WHAMM: variants seen among roughly 807,000 people sequenced by gnomAD.
The protein encoded by WHAMM is WASP homolog associated with actin, golgi membranes and microtubules, also known as WASP homolog-associated protein with actin, membranes and microtubules.
Under a neutral mutation model 76.5 loss-of-function variants are expected in WHAMM, and 67 were observed. The ratio of observed to expected loss-of-function variants is 0.88; its 90% CI spans 0.72 to 1.07. The LOEUF is 1.07. WHAMM is among the 50% of genes least tolerant of loss of function. The pLI is 0.00. For synonymous variants in WHAMM, 419 were observed against 422.1 expected (o/e 0.99, Z 0.09); for missense variants, 1,021 against 1,051.1 (o/e 0.97, Z 0.40).
chr15:82,823,555 G>A (rs969438345), intron 6 of WHAMM, among the ~76,000 whole-genome samples: 10 of 151,524 alleles, frequency 6.6e-5, no homozygotes, highest in African/African-American at 1.9e-4. Context: ...GCATACACAG[G>A]CACACAGGCA....
chr15:82,831,633 GC>G (rs968885857), intron 9 of WHAMM, among the ~76,000 whole-genome samples: 3 of 152,126 alleles, frequency 2.0e-5, no homozygotes, highest in Admixed American at 6.5e-5. Flanking sequence ...GAAAAAGTGG[GC>G]CACTTGTCTT....
At chr15:82,827,176 G>T (rs921342503) in intron 8 of WHAMM, among the ~76,000 whole-genome samples, 2 of 152,118 alleles carry the variant, frequency 1.3e-5, no homozygotes, top group Non-Finnish European at 2.9e-5. Context: ...ACTTTAGCTG[G>T]CATTTCCCCT....
chr15:82,813,778 T>C (rs769044957), intron 2 of WHAMM, among the ~76,000 whole-genome samples: 4 of 147,412 alleles, frequency 2.7e-5, no homozygotes, highest in African/African-American at 5.0e-5. Flanking sequence ...TGTCTCAGCA[T>C]CCTGAGTAGC....
At chr15:82,813,052 T>G in intron 1 of WHAMM, 51 bp from the exon 2 acceptor site, 3 of 1,326,178 alleles carry the variant, frequency 2.3e-6, no homozygotes, top group Non-Finnish European at 3.0e-6. Flanking sequence ...TTGTTGGGTA[T>G]GTATTAAATA....
rs1832326081 is a variant in WHAMM, at chr15:82,834,530, C to T, written c.*994C>T. 1 of 152,644 alleles carries T rather than the reference C, an allele frequency of 6.6e-6. No individual in the cohort carries two copies. 9.5% of individuals were successfully genotyped at this position (152,644 alleles called of 1,614,324 possible). On this transcript the variant is annotated 3_prime_UTR_variant, in exon 10 of 10. Transcript: ENST00000286760. ...GATTCTGAAAGAAGTTTACACTACA[C>T]TGGTAAGCAGTACTATTAGACTACT...
rs539667910 is a variant in WHAMM, at chr15:82,833,809, G to A, written c.*273G>A. The A allele has an allele frequency of 1.0e-5, 4 of 396,288 alleles. No homozygotes were observed. The East Asian group carries it at 1.9e-4, about 19-fold the overall frequency. The allele number at this position is 396,288 out of a possible 1,614,324, so 24.5% of individuals were successfully genotyped here. A position where few individuals can be genotyped will look rare whatever the true frequency, so the allele number is the denominator to read the frequency against. On this transcript the variant is annotated 3_prime_UTR_variant, in exon 10 of 10. Transcript: ENST00000286760. ...GGCTGGGGTGCAGTGGTGCGATCTT[G>A]GCTCACTGCAAGCTCCGCCTCCTGG...
intron 9 of WHAMM, 24 bp from the exon 10 acceptor site, chr15:82,833,205 C>G (rs762108715): frequency 3.1e-6 from 5 of 1,606,008 alleles, no homozygotes; most frequent in East Asian, 2.2e-5. Context: ...ATTGATAGTA[C>G]TAGCTCTGCT....
Position 82,830,178 on chromosome 15 carries a change from A to G in WHAMM, c.1642-421A>G, listed in dbSNP as rs568820776. 5.5e-5 allele frequency among the ~76,000 whole-genome samples: 8 copies of G among 144,842 alleles called. 1 individual carries two copies. The highest frequency in any genetic ancestry group is 4.1e-4 in the Admixed American group (6 of 14,642). ...TTTCTGATGTTTCAGGCGTTGTACT[A>G]TTTATCACTTTTTATGGCTTTTTTT... is the stretch of plus-strand genomic sequence containing the variant. On this transcript the variant is annotated intron_variant, in intron 8 of 9. Transcript: ENST00000286760.
At chr15:82,817,051 A>G (rs999483288) in intron 3 of WHAMM, among the ~76,000 whole-genome samples, 2 of 152,230 alleles carry the variant, frequency 1.3e-5, no homozygotes, top group African/African-American at 4.8e-5. Context: ...TGGCAGTGAC[A>G]GTAAATGGCA....
chr15:82,829,396 G>A (rs1302078172), intron 8 of WHAMM, among the ~76,000 whole-genome samples: 2 of 152,206 alleles, frequency 1.3e-5, no homozygotes, highest in African/African-American at 2.4e-5. Context: ...GGTGGTTCAG[G>A]GAACCCCAGC....
chr15:82,826,798 C>G lies in WHAMM; in HGVS notation c.1593C>G (p.Ile531Met). The G allele has an allele frequency of 6.5e-7, 1 of 1,549,294 alleles. No homozygotes were observed. Among genetic ancestry groups the G allele is most frequent in the Non-Finnish European group, 8.7e-7 (1 of 1,146,932 alleles). Reference sequence around the variant, plus strand: ...AGGAGCAAAAGAAAAAAGAATGGATCAACCAAGAACGTCAAAAAACACTCC... The same window carrying G: ...AGGAGCAAAAGAAAAAAGAATGGATGAACCAAGAACGTCAAAAAACACTCC... ...KEEEQKKKEWINQERQKTLQR... is the reference protein window; with the variant it reads ...KEEEQKKKEWMNQERQKTLQR... Residue 531 changes from isoleucine (I) to methionine (M), a missense_variant, in exon 8 of 10, where the codon ATC (isoleucine) becomes ATG (methionine). Around this residue, in one of 3 missense-constraint regions of WHAMM, gnomAD observed 509 missense variants for 492.3 expected, o/e 1.03. Transcript: ENST00000286760.
intron 4 of WHAMM, among the ~76,000 whole-genome samples, chr15:82,819,033 C>T (rs1273535486): frequency 6.6e-6 from 1 of 152,216 alleles, no homozygotes; most frequent in Admixed American, 6.5e-5. Context: ...AATAACATCA[C>T]ACTGGGAGTT....
At chr15:82,815,986 C>T (rs1383080967) in intron 2 of WHAMM, among the ~76,000 whole-genome samples, 1 of 152,110 alleles carries the variant, frequency 6.6e-6, no homozygotes, top group African/African-American at 2.4e-5. Context: ...TCAAGGTGCT[C>T]ACAGATCCAT....
At chr15:82,822,867 T>C (rs1477034144) in intron 5 of WHAMM, among the ~76,000 whole-genome samples, 1 of 151,988 alleles carries the variant, frequency 6.6e-6, no homozygotes, top group East Asian at 1.9e-4. Flanking sequence ...CATGTATGTA[T>C]ACATGCATAC....
chr15:82,811,402 C>T (rs35590674), intron 1 of WHAMM, among the ~76,000 whole-genome samples: 22,841 of 152,150 alleles, frequency 0.15, 1,918 homozygotes, highest in South Asian at 0.34. Flanking sequence ...TTTACACACT[C>T]GGTTTCTCAC....
At chr15:82,810,408 G>A in intron 1 of WHAMM, 73 bp downstream of exon 1, 1 of 1,230,766 alleles carries the variant, frequency 8.1e-7, no homozygotes, top group Non-Finnish European at 1.0e-6. Flanking sequence ...CTCCCCCGGC[G>A]CCGAGAGCCC....
intron 1 of WHAMM, 67 bp downstream of exon 1, chr15:82,810,402 C>G: frequency 8.1e-7 from 1 of 1,234,630 alleles, no homozygotes; most frequent in Non-Finnish European, 1.0e-6. Context: ...GGGAGGCTCC[C>G]CCGGCGCCGA....
At chr15:82,820,985 T>C (rs2050816241) in intron 5 of WHAMM, among the ~76,000 whole-genome samples, 1 of 152,150 alleles carries the variant, frequency 6.6e-6, no homozygotes, top group African/African-American at 2.4e-5. Flanking sequence ...GCCATTCTTT[T>C]GCATTTTTGC....
chr15:82,831,839 T>C (rs1269406639), intron 9 of WHAMM, among the ~76,000 whole-genome samples: 2 of 152,218 alleles, frequency 1.3e-5, no homozygotes, highest in African/African-American at 4.8e-5. Flanking sequence ...TGTAAATTTG[T>C]TTTTAAAAGT....
Sources: gnomAD v4.1 joint callset for allele counts (sites outside exome capture counted in the v4.1 genomes callset) on GRCh38, gnomAD v4.1.1 for gene constraint, gnomAD v4.1.1 regional missense constraint, MANE v1.5 for transcripts, NCBI Gene and HGNC (gene_info 2026-07-23, HGNC 2026-07-21) for gene names.